SLC49A4: variants seen among roughly 807,000 people sequenced by gnomAD.
SLC49A4 encodes disrupted in renal cancer protein 2.
SLC49A4 carries 36 observed loss-of-function variants against 50.6 expected under a neutral mutation model. That is an observed-to-expected ratio of 0.71 (90% CI 0.55 to 0.94). SLC49A4 has a LOEUF of 0.94. Among genes scored for constraint, SLC49A4 ranks in the 40% least tolerant of loss-of-function variants. The pLI, the probability that SLC49A4 is intolerant of heterozygous loss-of-function variation, is 0.00. For missense variants in SLC49A4, 503 were observed against 605.7 expected, an observed-to-expected ratio of 0.83 and a Z score of 1.78; for synonymous variants, 248 against 241.2, an observed-to-expected ratio of 1.03 and a Z score of -0.26.
chr3:122,841,879 G>GT (rs1187915574), intron 4 of SLC49A4, among the ~76,000 whole-genome samples: 1 of 152,194 alleles, frequency 6.6e-6, no homozygotes, highest in Non-Finnish European at 1.5e-5. Context: ...TCTGGGTACA[G>GT]TAAAAAGTTT....
intron 1 of SLC49A4, among the ~76,000 whole-genome samples, chr3:122,803,462 G>A (rs1032187439): frequency 7.9e-5 from 12 of 152,174 alleles, no homozygotes; most frequent in Non-Finnish European, 1.6e-4. Flanking sequence ...GATGACCTGT[G>A]AATCTTGAAT....
chr3:122,848,771 A>G (rs976862782), intron 5 of SLC49A4, among the ~76,000 whole-genome samples: 72 of 152,214 alleles, frequency 4.7e-4, no homozygotes, highest in African/African-American at 1.5e-3. Context: ...TCAAATTGGT[A>G]AGAGTGCTAT....
intron 2 of SLC49A4, among the ~76,000 whole-genome samples, chr3:122,820,850 C>G (rs1936438758): frequency 6.6e-6 from 1 of 152,236 alleles, no homozygotes; most frequent in Non-Finnish European, 1.5e-5. Flanking sequence ...AGGTCTCCCT[C>G]TCTAGTCTCC....
chr3:122,879,199 A>G, intron 8 of SLC49A4, 64 bp from the exon 9 acceptor site: 1 of 1,168,176 alleles, frequency 8.6e-7, no homozygotes, highest in Non-Finnish European at 1.3e-6. Flanking sequence ...TCCTTCCGGC[A>G]TACAGGTGGT....
At chr3:122,838,410 C>T (rs983367731) in intron 4 of SLC49A4, among the ~76,000 whole-genome samples, 1 of 152,006 alleles carries the variant, frequency 6.6e-6, no homozygotes, top group African/African-American at 2.4e-5. Flanking sequence ...TTTGTAGGGA[C>T]ATGGATGAAG....
In SLC49A4 at chr3:122,814,358, C is replaced by T. The variant is rs551104927; in HGVS notation, c.437+7408C>T. Among the ~76,000 whole-genome samples, 9 of 152,238 alleles carry T rather than the reference C, an allele frequency of 5.9e-5. No homozygotes were observed. In the South Asian group the frequency reaches 1.7e-3, roughly 28 times the overall value. ...AGGCTAACATTTTGACAACATTTTC[C>T]AGCTTTATGCTTCAAAACAGATTAT... On this transcript the variant is annotated intron_variant, in intron 2 of 8. Transcript: ENST00000261038.
chr3:122,812,257 T>C (rs1004608870), intron 2 of SLC49A4, among the ~76,000 whole-genome samples: 2 of 152,130 alleles, frequency 1.3e-5, no homozygotes, highest in Admixed American at 6.6e-5. Flanking sequence ...ACCCAGCCTA[T>C]ATTACCTTTT....
intron 2 of SLC49A4, among the ~76,000 whole-genome samples, chr3:122,811,572 A>G (rs1936300507): frequency 6.6e-6 from 1 of 152,206 alleles, no homozygotes; most frequent in South Asian, 2.1e-4. Context: ...GCACTTATAG[A>G]AAATTAGCCC....
At chr3:122,837,071 T>G (rs1441425842) in intron 4 of SLC49A4, among the ~76,000 whole-genome samples, 1 of 152,028 alleles carries the variant, frequency 6.6e-6, no homozygotes, top group Non-Finnish European at 1.5e-5. Flanking sequence ...AGGATACAAA[T>G]AAATGGAAGA....
chr3:122,813,220 G>A (rs1402023442), intron 2 of SLC49A4, among the ~76,000 whole-genome samples: 1 of 147,654 alleles, frequency 6.8e-6, no homozygotes. Context: ...TACCCTGGGC[G>A]ATAGAGCGAG....
intron 4 of SLC49A4, among the ~76,000 whole-genome samples, chr3:122,838,757 A>G (rs1261318448): frequency 6.6e-6 from 1 of 152,072 alleles, no homozygotes; most frequent in Non-Finnish European, 1.5e-5. Flanking sequence ...AAAAATGGAA[A>G]CACATTCCAT....
Position 122,872,533 on chromosome 3 carries a change from T to C in SLC49A4, c.1257T>C (p.Val419=). Residue 419 remains valine (V), a synonymous_variant, in exon 8 of 9, where the codon GTT becomes GTC. Coordinates refer to ENST00000261038, the MANE Select transcript of SLC49A4 (RefSeq NM_032839.3). The part of the protein sequence containing the change: ...YPVPEGITCG[V]VTFLSNMFMG... Reference sequence around the variant, plus strand: ...TTCCAGAAGGAATTACTTGTGGAGTTGTCACTTTTTTAAGTAATATGTTTA... The same window carrying C: ...TTCCAGAAGGAATTACTTGTGGAGTCGTCACTTTTTTAAGTAATATGTTTA... 1 of 1,611,572 alleles carries C rather than the reference T, an allele frequency of 6.2e-7. No homozygotes were observed. The highest frequency in any genetic ancestry group is 8.5e-7 in the Non-Finnish European group (1 of 1,177,834).
At chr3:122,827,236 A>T (rs1056627489) in intron 3 of SLC49A4, among the ~76,000 whole-genome samples, 171 bp downstream of exon 3, 12 of 152,140 alleles carry the variant, frequency 7.9e-5, no homozygotes, top group African/African-American at 2.9e-4. Flanking sequence ...CTTAATTAAA[A>T]CTGAACACTC....
chr3:122,842,979 T>G (rs764778597), intron 4 of SLC49A4, among the ~76,000 whole-genome samples: 1 of 152,166 alleles, frequency 6.6e-6, no homozygotes, highest in Non-Finnish European at 1.5e-5. Context: ...TTAATCAGAT[T>G]ATTTGCCAGC....
At chr3:122,838,537 C>T (rs1339876501) in intron 4 of SLC49A4, among the ~76,000 whole-genome samples, 1 of 135,184 alleles carries the variant, frequency 7.4e-6, no homozygotes, top group Non-Finnish European at 1.5e-5. Context: ...AGGGGAACAT[C>T]ACACACCAGG....
Position 122,833,310 on chromosome 3 carries a change from C to T in SLC49A4, c.704-7C>T, listed in dbSNP as rs1393081621. The T allele has an allele frequency of 5.6e-6, 9 of 1,606,112 alleles. No homozygotes were observed. The Admixed American group carries it at 6.9e-5, about 12-fold the overall frequency. ...TGGTTAACATTTTACCTATTTTTTTCTTTCAGAATTTGGAGTTGTCTGCTT... is the reference window on the plus strand; with the variant it reads ...TGGTTAACATTTTACCTATTTTTTTTTTTCAGAATTTGGAGTTGTCTGCTT... On this transcript the variant is annotated splice_region_variant and splice_polypyrimidine_tract_variant and intron_variant, in intron 3 of 8. Coordinates refer to ENST00000261038, the MANE Select transcript of SLC49A4 (RefSeq NM_032839.3).
intron 2 of SLC49A4, among the ~76,000 whole-genome samples, chr3:122,809,482 G>T (rs989579974): frequency 6.6e-6 from 1 of 152,100 alleles, no homozygotes; most frequent in Admixed American, 6.5e-5. Context: ...AGCACTTTGG[G>T]AGGCTGAGAC....
chr3:122,874,112 T>C (rs1937232097), intron 8 of SLC49A4, among the ~76,000 whole-genome samples: 2 of 152,232 alleles, frequency 1.3e-5, no homozygotes, highest in African/African-American at 4.8e-5. Context: ...TTATGGTCTC[T>C]AGGATATAAC....
At chr3:122,833,223 G>A (rs1437779176) in intron 3 of SLC49A4, 94 bp from the exon 4 acceptor site, 62 of 1,251,412 alleles carry the variant, frequency 5.0e-5, no homozygotes, top group South Asian at 2.0e-4. Context: ...CCTGGGTGAC[G>A]GAGTGAGACC....
Sources: allele counts gnomAD v4.1 joint callset (sites outside exome capture counted in the v4.1 genomes callset), GRCh38; gene constraint gnomAD v4.1.1; transcripts MANE v1.5; gene names NCBI Gene and HGNC (gene_info 2026-07-23, HGNC 2026-07-21).